Variants in ANGPT1 observed in about 807,000 individuals in gnomAD.
ANGPT1 encodes the protein angiopoietin-1.
ANGPT1 carries 17 observed loss-of-function variants against 62.2 expected under a neutral mutation model. The observed-to-expected ratio is 0.27, with a 90% CI of 0.19 to 0.41. ANGPT1 has a LOEUF of 0.41. Ranked by LOEUF, ANGPT1 falls within the 10% of genes least tolerant of loss-of-function variation. ANGPT1 has a pLI of 1.00. For missense variants in ANGPT1, 478 were observed against 594.9 expected (o/e 0.80, Z 2.04); for synonymous variants, 199 against 198.9 (o/e 1.00, Z 0.00).
At chr8:107,417,832 G>C (rs961000337) in intron 1 of ANGPT1, among the ~76,000 whole-genome samples, 11 of 152,144 alleles carry the variant, frequency 7.2e-5, no homozygotes, top group Admixed American at 6.5e-4. Flanking sequence ...TTAAACGTAA[G>C]GCATTTGCAA....
At chr8:107,267,586 C>A (rs1238209357) in intron 7 of ANGPT1, among the ~76,000 whole-genome samples, 1 of 152,090 alleles carries the variant, frequency 6.6e-6, no homozygotes, top group Non-Finnish European at 1.5e-5. Context: ...AGTCTCCCTG[C>A]CTTGAGTTTC....
At chr8:107,477,708 A>T (rs1382551543) in intron 1 of ANGPT1, among the ~76,000 whole-genome samples, 1 of 152,150 alleles carries the variant, frequency 6.6e-6, no homozygotes, top group East Asian at 1.9e-4. Context: ...TTTATATTCT[A>T]TAAAACTAGC....
intron 4 of ANGPT1, among the ~76,000 whole-genome samples, chr8:107,311,713 C>A (rs1814868210): frequency 1.3e-5 from 2 of 152,110 alleles, no homozygotes; most frequent in East Asian, 1.9e-4. Flanking sequence ...CAATGTGAAA[C>A]GAATCTCATG....
intron 7 of ANGPT1, 97 bp downstream of exon 7, chr8:107,284,585 A>T: frequency 8.8e-7 from 1 of 1,133,522 alleles, no homozygotes; most frequent in Non-Finnish European, 1.2e-6. Context: ...TTTCATTTTG[A>T]AGGATGATTT....
intron 1 of ANGPT1, among the ~76,000 whole-genome samples, chr8:107,396,918 C>G (rs532378216): frequency 6.6e-6 from 1 of 151,738 alleles, no homozygotes; most frequent in African/African-American, 2.4e-5. Flanking sequence ...AGCTGTTGAC[C>G]GGCACTTCAG....
At chr8:107,497,210 T>G in intron 1 of ANGPT1, 52 bp downstream of exon 1, 1 of 1,576,648 alleles carries the variant, frequency 6.3e-7, no homozygotes, top group Non-Finnish European at 8.6e-7. Flanking sequence ...TTAGCTGCAG[T>G]GCAAGAAAGG....
chr8:107,328,040 C>T (rs913166297), intron 3 of ANGPT1, among the ~76,000 whole-genome samples: 20 of 152,120 alleles, frequency 1.3e-4, no homozygotes, highest in Admixed American at 1.3e-3. Context: ...AACATAGCAG[C>T]CAATGAATTC....
intron 1 of ANGPT1, among the ~76,000 whole-genome samples, chr8:107,417,286 C>T (rs896955410): frequency 6.6e-6 from 1 of 152,048 alleles, no homozygotes; most frequent in South Asian, 2.1e-4. Context: ...AGGGAGGAGT[C>T]ATTGTACCCT....
At chr8:107,349,122 T>TCAGA (rs1554584812) in intron 1 of ANGPT1, among the ~76,000 whole-genome samples, 2 of 143,802 alleles carry the variant, frequency 1.4e-5, no homozygotes, top group African/African-American at 2.6e-5. Context: ...GATAAGGAGA[T>TCAGA]TAGATAGATA....
At chr8:107,479,656 G>A (rs756581233) in intron 1 of ANGPT1, among the ~76,000 whole-genome samples, 13 of 152,194 alleles carry the variant, frequency 8.5e-5, no homozygotes, top group Non-Finnish European at 1.3e-4. Context: ...GACAGGTTAA[G>A]TAGCATAGAG....
intron 1 of ANGPT1, among the ~76,000 whole-genome samples, chr8:107,377,823 C>CA (rs1364352827): frequency 6.6e-6 from 1 of 151,998 alleles, no homozygotes; most frequent in Non-Finnish European, 1.5e-5. Flanking sequence ...CAGATGAGTG[C>CA]ATTGAATAGA....
intron 3 of ANGPT1, among the ~76,000 whole-genome samples, chr8:107,330,985 G>T (rs1315780890): frequency 2.6e-5 from 4 of 151,970 alleles, no homozygotes; most frequent in Non-Finnish European, 5.9e-5. Flanking sequence ...AAAAAGACTA[G>T]AATAATATAA....
chr8:107,391,806 G>A (rs972315492), intron 1 of ANGPT1, among the ~76,000 whole-genome samples: 3 of 152,168 alleles, frequency 2.0e-5, no homozygotes, highest in African/African-American at 7.2e-5. Context: ...GTAACCACAT[G>A]TTAGTACACT....
intron 3 of ANGPT1, among the ~76,000 whole-genome samples, chr8:107,324,001 G>C (rs1280042611): frequency 6.6e-6 from 1 of 151,622 alleles, no homozygotes; most frequent in South Asian, 2.1e-4. Context: ...GGATGGTCTC[G>C]ATCTCCTGAC....
chr8:107,412,529 G>A (rs755695681), intron 1 of ANGPT1, among the ~76,000 whole-genome samples: 4 of 152,040 alleles, frequency 2.6e-5, no homozygotes, highest in East Asian at 1.9e-4. Context: ...TTGAACATAT[G>A]TATACATGTA....
intron 2 of ANGPT1, among the ~76,000 whole-genome samples, chr8:107,336,688 A>AT (rs1491385908): frequency 2.3e-5 from 3 of 132,552 alleles, no homozygotes; most frequent in Non-Finnish European, 4.6e-5. Context: ...AAAAAAAAAA[A>AT]GGTTTACATT....
chr8:107,365,351 C>A lies in ANGPT1; in HGVS notation c.298-18254G>T, dbSNP rs966259175. 8.5e-4 allele frequency among the ~76,000 whole-genome samples: 129 copies of A among 152,274 alleles called. 1 individual carries two copies. The highest frequency in any genetic ancestry group is 4.4e-4 in the Non-Finnish European group (30 of 68,022). ...CATGAGAAGTAGTGCCTTATTAAGA[C>A]AGATTGATGTTTAGAATTTCATAAA... On this transcript the variant is annotated intron_variant, in intron 1 of 8. Coordinates refer to ENST00000517746, the MANE Select transcript of ANGPT1 (RefSeq NM_001146.5).
intron 1 of ANGPT1, among the ~76,000 whole-genome samples, chr8:107,370,499 A>T (rs141034591): frequency 0.011 from 1,691 of 151,514 alleles, 21 homozygotes; most frequent in Middle Eastern, 0.024. Flanking sequence ...GACCATCCTG[A>T]CCAACATGGT....
intron 1 of ANGPT1, among the ~76,000 whole-genome samples, chr8:107,434,194 G>A (rs1811276608): frequency 6.6e-6 from 1 of 152,140 alleles, no homozygotes; most frequent in South Asian, 2.1e-4. Context: ...CCACAGGGAG[G>A]GAACAGTTTT....
Sources: allele counts gnomAD v4.1 joint callset (sites outside exome capture counted in the v4.1 genomes callset), GRCh38; gene constraint gnomAD v4.1.1; transcripts MANE v1.5; gene names NCBI Gene and HGNC (gene_info 2026-07-23, HGNC 2026-07-21).